Variants in LARS2 observed in about 807,000 individuals in gnomAD.
LARS2 encodes leucine--tRNA ligase, mitochondrial.
A neutral mutation model predicts 116.6 loss-of-function variants in LARS2; 81 were observed. The ratio of observed to expected loss-of-function variants is 0.69; its 90% CI spans 0.58 to 0.84. The LOEUF (loss-of-function observed/expected upper bound fraction) is 0.84, where lower values mean the gene tolerates loss of function less well. Ranked by LOEUF, LARS2 falls within the 40% of genes least tolerant of loss-of-function variation. The pLI, the probability that LARS2 is intolerant of heterozygous loss-of-function variation, is 0.00. For missense variants in LARS2, 968 were observed against 1,114.5 expected, an observed-to-expected ratio of 0.87 and a Z score of 1.87; for synonymous variants, 396 against 407.2, an observed-to-expected ratio of 0.97 and a Z score of 0.33.
intron 7 of LARS2, among the ~76,000 whole-genome samples, chr3:45,456,159 A>G (rs1167658580): frequency 6.6e-6 from 1 of 152,160 alleles, no homozygotes; most frequent in African/African-American, 2.4e-5. Flanking sequence ...TATCACCACA[A>G]AAAATGTTAA....
At chr3:45,460,986 A>G (rs1013329232) in intron 8 of LARS2, among the ~76,000 whole-genome samples, 2 of 152,230 alleles carry the variant, frequency 1.3e-5, no homozygotes, top group African/African-American at 4.8e-5. Context: ...TGTCCAACAT[A>G]TAATTAAAAA....
chr3:45,485,715 G>A lies in LARS2; in HGVS notation c.1042G>A (p.Val348Met), dbSNP rs757432836. 2 of 1,609,806 alleles carry A rather than the reference G, an allele frequency of 1.2e-6. No homozygotes were observed. Among genetic ancestry groups the A allele is most frequent in the African/African-American group, 1.3e-5 (1 of 74,828 alleles). ...AGATTGCCTCACGCCTGTAATGGCT[G>A]TGAACATGCTTACCCAGCAGGAGGT... ...GKDCLTPVMA[V>M]NMLTQQEVPV... The change falls in exon 11 of 22, where the codon GTG (valine) becomes ATG (methionine). Residue 348 changes from valine (V) to methionine (M), a missense_variant. Val to Met is a conservative substitution (Grantham distance 21). Coordinates refer to ENST00000645846, the MANE Select transcript of LARS2 (RefSeq NM_015340.4).
At chr3:45,471,040 TAAAAAAAAAA>T (rs55749404) in intron 8 of LARS2, among the ~76,000 whole-genome samples, 2 of 43,816 alleles carry the variant, frequency 4.6e-5, no homozygotes, top group African/African-American at 9.3e-5. Flanking sequence ...ATTACAACAC[TAAAAAAAAAA>T]AAAAAAAAAA....
At chr3:45,482,461 T>C (rs1699718577) in intron 10 of LARS2, among the ~76,000 whole-genome samples, 1 of 152,220 alleles carries the variant, frequency 6.6e-6, no homozygotes, top group East Asian at 1.9e-4. Context: ...CTGAGAGGGC[T>C]ATATAGAGTG....
chr3:45,391,622 G>A lies in LARS2; in HGVS notation c.-48G>A, dbSNP rs943774074. On this transcript the variant is annotated 5_prime_UTR_variant, in exon 2 of 22. Transcript: ENST00000645846. ...ATAAAAAACATTATTTAATCTATCTGGGATTTACTCCGGCTTATGATTTGA... is the reference window on the plus strand; with the variant it reads ...ATAAAAAACATTATTTAATCTATCTAGGATTTACTCCGGCTTATGATTTGA... The A allele has an allele frequency of 1.1e-4, 16 of 151,672 alleles. No homozygotes were observed. Among genetic ancestry groups the A allele is most frequent in the African/African-American group, 3.6e-4 (15 of 41,248 alleles). 9.4% of individuals were successfully genotyped at this position (151,672 alleles called of 1,614,324 possible).
At chr3:45,532,240 G>T (rs557533893) in intron 20 of LARS2, among the ~76,000 whole-genome samples, 2 of 152,324 alleles carry the variant, frequency 1.3e-5, no homozygotes, top group African/African-American at 4.8e-5. Flanking sequence ...GGGATGGATA[G>T]TCTCTGTCAT....
chr3:45,499,390 C>T (rs565807373), intron 14 of LARS2, among the ~76,000 whole-genome samples: 26 of 152,088 alleles, frequency 1.7e-4, no homozygotes, highest in Non-Finnish European at 2.2e-4. Context: ...TGCAGTGAGC[C>T]GAGATCACGC....
At chr3:45,423,094 C>A (rs970096932) in intron 6 of LARS2, among the ~76,000 whole-genome samples, 1 of 152,088 alleles carries the variant, frequency 6.6e-6, no homozygotes, top group Non-Finnish European at 1.5e-5. Flanking sequence ...GTATCAATTC[C>A]ATTGTTCAAT....
chr3:45,476,388 G>T, intron 9 of LARS2, 80 bp from the exon 10 acceptor site: 4 of 1,441,922 alleles, frequency 2.8e-6, no homozygotes. Flanking sequence ...AGGAGGGAAG[G>T]GGAAGGGGAT....
intron 6 of LARS2, among the ~76,000 whole-genome samples, chr3:45,438,718 C>G (rs1368115542): frequency 6.6e-6 from 1 of 151,636 alleles, no homozygotes; most frequent in Non-Finnish European, 1.5e-5. Context: ...TCCTGTAATC[C>G]CAGCTACTCT....
At chr3:45,429,959 C>T (rs1026411201) in intron 6 of LARS2, among the ~76,000 whole-genome samples, 1 of 146,988 alleles carries the variant, frequency 6.8e-6, no homozygotes, top group African/African-American at 2.5e-5. Context: ...GCCTCAGGCT[C>T]CCAAAGTGCT....
chr3:45,491,828 A>C (rs1490078341), intron 13 of LARS2, 28 bp downstream of exon 13: 1 of 1,602,788 alleles, frequency 6.2e-7, no homozygotes, highest in African/African-American at 1.3e-5. Context: ...TGCAGTGGTG[A>C]CTGTGCCTAT....
At chr3:45,532,939 G>A (rs1253695197) in intron 20 of LARS2, among the ~76,000 whole-genome samples, 1 of 151,904 alleles carries the variant, frequency 6.6e-6, no homozygotes. Flanking sequence ...ACAGCGCCCG[G>A]CCACCTCTTT....
intron 10 of LARS2, among the ~76,000 whole-genome samples, chr3:45,484,630 AATAT>A (rs1553634444): frequency 1.2e-3 from 12 of 9,738 alleles, no homozygotes; most frequent in Non-Finnish European, 3.2e-3. Context: ...AAAAAAAAAA[AATAT>A]ATATATATAT....
chr3:45,410,175 G>A (rs929813379), intron 4 of LARS2, among the ~76,000 whole-genome samples: 4 of 152,180 alleles, frequency 2.6e-5, no homozygotes, highest in African/African-American at 4.8e-5. Flanking sequence ...GAACAGTTAC[G>A]CAACAGTTAC....
intron 19 of LARS2, 149 bp from the exon 20 acceptor site, chr3:45,523,848 G>T: frequency 1.7e-6 from 1 of 596,166 alleles, no homozygotes; most frequent in South Asian, 2.0e-5. Flanking sequence ...ATTAAGTAGG[G>T]GAAGTTCATT....
rs189578480 is a variant in LARS2, at chr3:45,544,281, A to G, written c.2532+2325A>G. ...AAGGTCTGGGGGCACATGAGCTGTC[A>G]CACACAGTTTATGTAAGGGCTCGGA... On this transcript the variant is annotated intron_variant, in intron 21 of 21. Transcript: ENST00000645846. Among the ~76,000 whole-genome samples the G allele has an allele frequency of 4.6e-4, 70 of 152,360 alleles. 1 individual carries two copies. The highest frequency in any genetic ancestry group is 1.6e-3 in the African/African-American group (67 of 41,586).
At chr3:45,479,555 T>G (rs1699664040) in intron 10 of LARS2, among the ~76,000 whole-genome samples, 1 of 152,172 alleles carries the variant, frequency 6.6e-6, no homozygotes, top group Admixed American at 6.5e-5. Flanking sequence ...ATGTACTGTT[T>G]TGTGCTTAGC....
chr3:45,394,396 A>G, intron 2 of LARS2, 37 bp from the exon 3 acceptor site: 1 of 1,214,272 alleles, frequency 8.2e-7, no homozygotes, highest in East Asian at 2.3e-5. Context: ...GGAGGGTTTG[A>G]GGCAGCTCAT....
Sources: allele counts gnomAD v4.1 joint callset (sites outside exome capture counted in the v4.1 genomes callset), GRCh38; gene constraint gnomAD v4.1.1; transcripts MANE v1.5; gene names NCBI Gene and HGNC (gene_info 2026-07-23, HGNC 2026-07-21).